Variants in KATNIP observed in about 807,000 individuals in gnomAD.
The protein encoded by KATNIP is katanin-interacting protein.
Under a neutral mutation model 174.0 loss-of-function variants are expected in KATNIP, and 126 were observed. The observed-to-expected ratio is 0.72, with a 90% CI of 0.63 to 0.84. The LOEUF is 0.84. Ranked by LOEUF, KATNIP falls within the 40% of genes least tolerant of loss-of-function variation. The pLI is 0.00. For missense variants in KATNIP, 1,958 were observed against 2,109.7 expected (o/e 0.93, Z 1.41); for synonymous variants, 810 against 835.7 (o/e 0.97, Z 0.53).
intron 3 of KATNIP, among the ~76,000 whole-genome samples, chr16:27,624,726 G>T (rs1407236651): frequency 1.3e-5 from 2 of 152,082 alleles, no homozygotes; most frequent in Admixed American, 6.6e-5. Flanking sequence ...AGGCTGAGGT[G>T]GGAGGATTGC....
chr16:27,632,418 T>C (rs1026121328), intron 5 of KATNIP: 7 of 321,054 alleles, frequency 2.2e-5, no homozygotes, highest in South Asian at 7.2e-5. Flanking sequence ...TGAATATTTA[T>C]GAAAGGAGAA....
At chr16:27,560,819 C>CCTGGCACAAGGA (rs1475404899) in intron 1 of KATNIP, among the ~76,000 whole-genome samples, 1 of 152,180 alleles carries the variant, frequency 6.6e-6, no homozygotes, top group Non-Finnish European at 1.5e-5. Flanking sequence ...ATGCCCAGCA[C>CCTGGCACAAGGA]CTGGCACAAG....
At chr16:27,675,711 C>G (rs1213834658) in intron 6 of KATNIP, among the ~76,000 whole-genome samples, 1 of 152,272 alleles carries the variant, frequency 6.6e-6, no homozygotes, top group Non-Finnish European at 1.5e-5. Context: ...CTTTCTTTCT[C>G]CCATTCAGTC....
intron 6 of KATNIP, among the ~76,000 whole-genome samples, chr16:27,664,045 T>G (rs1726871562): frequency 6.6e-6 from 1 of 152,074 alleles, no homozygotes. Flanking sequence ...CTCCTGGCCT[T>G]GAGCAGTCCT....
In KATNIP at chr16:27,698,405, G is replaced by A. The variant is rs1567313834; in HGVS notation, c.1018G>A (p.Ala340Thr). The change falls in exon 9 of 28, where the codon GCC becomes ACC. Residue 340 changes from alanine (A) to threonine (T), a missense_variant. By Grantham distance (58) the Ala-to-Thr change is moderately conservative (BLOSUM62 0). Coordinates refer to ENST00000261588, the MANE Select transcript of KATNIP (RefSeq NM_015202.5). ...LCEAEYPEED[A>T]SAVLQAIQVE... The stretch of plus-strand genomic sequence containing the variant: ...CGAGGCTGAGTACCCAGAGGAAGAT[G>A]CCTCTGCTGTGCTCCAAGCCATCCA... The A allele has an allele frequency of 2.5e-6, 4 of 1,613,716 alleles. No homozygotes were observed. Among genetic ancestry groups the A allele is most frequent in the Non-Finnish European group, 3.4e-6 (4 of 1,179,848 alleles).
intron 2 of KATNIP, among the ~76,000 whole-genome samples, chr16:27,590,723 TCTC>T (rs1567468347): frequency 6.6e-6 from 1 of 152,186 alleles, no homozygotes; most frequent in Non-Finnish European, 1.5e-5. Context: ...CCTGGGGCCT[TCTC>T]CTCTCCCTGG....
chr16:27,551,292 T>C lies in KATNIP; in HGVS notation c.7+1115T>C, dbSNP rs1330645148. ...TGTTCCTGGGGAATCCACATTCTTT[T>C]TATATTCACTGAATGTAGTGTGGAG... On this transcript the variant is annotated intron_variant, in intron 1 of 27. Coordinates refer to ENST00000261588, the MANE Select transcript of KATNIP (RefSeq NM_015202.5). Among the ~76,000 whole-genome samples the C allele has an allele frequency of 2.0e-5, 3 of 152,342 alleles. No individual in the cohort carries two copies. In the East Asian group the frequency reaches 5.8e-4, roughly 29 times the overall value.
chr16:27,618,227 G>A (rs1359226562), intron 2 of KATNIP, among the ~76,000 whole-genome samples, 198 bp from the exon 3 acceptor site: 1 of 152,210 alleles, frequency 6.6e-6, no homozygotes, highest in African/African-American at 2.4e-5. Context: ...GATTAAAGGT[G>A]TGTATGCCTA....
At chr16:27,706,941 C>A (rs1289341235) in intron 12 of KATNIP, among the ~76,000 whole-genome samples, 1 of 152,220 alleles carries the variant, frequency 6.6e-6, no homozygotes, top group Non-Finnish European at 1.5e-5. Flanking sequence ...AGACCCAGGG[C>A]AGCAGAGGCT....
At chr16:27,607,910 G>A (rs919331178) in intron 2 of KATNIP, among the ~76,000 whole-genome samples, 2 of 152,126 alleles carry the variant, frequency 1.3e-5, no homozygotes, top group Non-Finnish European at 2.9e-5. Flanking sequence ...CACAAACAGT[G>A]GCTTCATGGT....
At chr16:27,722,369 T>TA (rs2080277031) in intron 14 of KATNIP, 1 of 152,258 alleles carries the variant, frequency 6.6e-6, no homozygotes, top group Non-Finnish European at 1.5e-5. Context: ...TCAATTGAGA[T>TA]AACTTGCTAC....
At position 27,769,738 on chromosome 16, in the gene KATNIP, G is replaced by A. The variant is rs2082235176; in HGVS notation, c.3976-123G>A. On this transcript the variant is annotated intron_variant, in intron 20 of 27. Transcript: ENST00000261588. Reference sequence around the variant, plus strand: ...TGATATGGGAAATGGACCTCGGTCAGGTGGCTCTGCGAAAGGCTCCCCATG... The same window carrying A: ...TGATATGGGAAATGGACCTCGGTCAAGTGGCTCTGCGAAAGGCTCCCCATG... 3.5e-6 allele frequency: 4 copies of A among 1,157,676 alleles called. No homozygotes were observed. The South Asian group carries it at 5.6e-5, about 16-fold the overall frequency. The allele number at this position is 1,157,676 out of a possible 1,614,324, so 71.7% of individuals were successfully genotyped here. A position where few individuals can be genotyped will look rare whatever the true frequency, so the allele number is the denominator to read the frequency against.
chr16:27,704,873 C>T (rs186210361), intron 12 of KATNIP, among the ~76,000 whole-genome samples: 272 of 150,140 alleles, frequency 1.8e-3, no homozygotes, highest in Non-Finnish European at 2.4e-3. Flanking sequence ...GTAGGATTAA[C>T]GGTGATTCGA....
chr16:27,776,864 C>T lies in KATNIP; in HGVS notation c.4450-64C>T. On this transcript the variant is annotated intron_variant, in intron 24 of 27. Transcript: ENST00000261588. The surrounding 1 kb of genome is among the most constrained non-coding windows in gnomAD (Gnocchi z 4.7). ...TCACCCCAGCCCACGCCTGGCACCCCCAGCCCAGCCAAGCGCCTCTGTTTC... is the reference window on the plus strand; with the variant it reads ...TCACCCCAGCCCACGCCTGGCACCCTCAGCCCAGCCAAGCGCCTCTGTTTC... The T allele has an allele frequency of 1.6e-6, 2 of 1,251,910 alleles. No homozygotes were observed. Among genetic ancestry groups the T allele is most frequent in the South Asian group, 2.4e-5 (2 of 82,498 alleles). The allele number at this position is 1,251,910 out of a possible 1,614,324, so 77.6% of individuals were successfully genotyped here.
chr16:27,698,432 G>A lies in KATNIP; in HGVS notation c.1045G>A (p.Val349Met), dbSNP rs1203041608. The change falls in exon 9 of 28, where the codon GTG becomes ATG. Residue 349 changes from valine (V) to methionine (M), a missense_variant. Val to Met is a conservative substitution (Grantham distance 21). Around this residue, in one of 3 missense-constraint regions of KATNIP, gnomAD observed 1,557 missense variants for 1,617.8 expected, o/e 0.96. Coordinates refer to ENST00000261588, the MANE Select transcript of KATNIP (RefSeq NM_015202.5). ...CTCTGCTGTGCTCCAAGCCATCCAG[G>A]TGGAGAACGCAGCCCTGCAGAGGGC... Reference protein sequence around the residue: ...DASAVLQAIQVENAALQRALL... With the variant: ...DASAVLQAIQMENAALQRALL... 6.2e-7 allele frequency: 1 copy of A among 1,613,536 alleles called. No individual in the cohort carries two copies. The highest frequency in any genetic ancestry group is 1.3e-5 in the African/African-American group (1 of 74,946).
In KATNIP at chr16:27,749,596, C is replaced by T. The variant is rs200882000; in HGVS notation, c.2636C>T (p.Ser879Phe). 332 of 1,530,292 alleles carry T rather than the reference C, an allele frequency of 2.2e-4. No homozygotes were observed. The highest frequency in any genetic ancestry group is 2.8e-4 in the Non-Finnish European group (318 of 1,140,064). The allele number at this position is 1,530,292 out of a possible 1,614,324, so 94.8% of individuals were successfully genotyped here. Residue 879 changes from serine (S) to phenylalanine (F), a missense_variant, in exon 16 of 28, where the codon TCT (serine) becomes TTT (phenylalanine). By Grantham distance (155) the Ser-to-Phe change is radical. Around this residue, in one of 3 missense-constraint regions of KATNIP, gnomAD observed 1,557 missense variants for 1,617.8 expected, o/e 0.96. Coordinates refer to ENST00000261588, the MANE Select transcript of KATNIP (RefSeq NM_015202.5). ...DQPASREDTW[S>F]SRTPSRSRWR... is the part of the protein sequence containing the mutation. ...TCCTTTCTTCCAGAAGACACCTGGT[C>T]TTCCAGGACGCCGTCACGGTCAAGG...
intron 8 of KATNIP, among the ~76,000 whole-genome samples, chr16:27,686,544 G>A (rs558215085): frequency 1.2e-4 from 19 of 152,154 alleles, no homozygotes; most frequent in African/African-American, 3.4e-4. Flanking sequence ...CAATCTATGC[G>A]TTTTAATGGG....
chr16:27,708,334 C>A, intron 12 of KATNIP: 1 of 195,020 alleles, frequency 5.1e-6, no homozygotes. Flanking sequence ...TAGCACGTAA[C>A]ACCTACTCAA....
intron 18 of KATNIP, among the ~76,000 whole-genome samples, chr16:27,761,022 G>C (rs955224720): frequency 2.0e-5 from 3 of 152,224 alleles, no homozygotes; most frequent in Non-Finnish European, 4.4e-5. Context: ...GACAGCCTGG[G>C]TGGGGCCTAG....
Sources: allele counts gnomAD v4.1 joint callset (sites outside exome capture counted in the v4.1 genomes callset), GRCh38; gene constraint gnomAD v4.1.1; regional missense constraint gnomAD v4.1.1; non-coding constraint Gnocchi (gnomAD v3.1); transcripts MANE v1.5; gene names NCBI Gene and HGNC (gene_info 2026-07-23, HGNC 2026-07-21).